Variants in HNF4A observed in about 807,000 individuals in gnomAD.
HNF4A encodes the protein hepatocyte nuclear factor 4-alpha.
Under a neutral mutation model 52.4 loss-of-function variants are expected in HNF4A, and 15 were observed. The ratio of observed to expected loss-of-function variants is 0.29; its 90% CI spans 0.19 to 0.44. HNF4A has a LOEUF of 0.44. HNF4A is among the 20% of genes least tolerant of loss of function. HNF4A has a pLI of 1.00. For synonymous variants in HNF4A, 280 were observed against 264.4 expected (o/e 1.06, Z -0.57); for missense variants, 479 against 647.2 (o/e 0.74, Z 2.82).
At chr20:44,396,415 G>T, upstream of HNF4A, among the ~76,000 whole-genome samples, 1 of 152,044 alleles carries the variant, frequency 6.6e-6, no homozygotes, top group East Asian at 1.9e-4. Context: ...AGAGGCACAA[G>T]CTCCCTACAC....
chr20:44,413,807 G>A lies in HNF4A; in HGVS notation c.492+7G>A. 6.3e-7 allele frequency: 1 copy of A among 1,591,784 alleles called. No homozygotes were observed. Among genetic ancestry groups the A allele is most frequent in the East Asian group, 2.2e-5 (1 of 44,688 alleles). On this transcript the variant is annotated splice_region_variant and intron_variant, in intron 4 of 9. Coordinates refer to ENST00000316099, the MANE Select transcript of HNF4A (RefSeq NM_000457.6). ...GGAGGTCCTGTCCCGACAGGTACCG[G>A]GGTGATCCTGCCACCCACCCAGGGA...
intron 3 of HNF4A, among the ~76,000 whole-genome samples, chr20:44,411,364 A>G (rs1342030499): frequency 6.6e-6 from 1 of 152,190 alleles, no homozygotes; most frequent in African/African-American, 2.4e-5. Flanking sequence ...ACATTTGGAA[A>G]ACATCATTCC....
chr20:44,414,552 A>G lies in HNF4A; in HGVS notation c.538A>G (p.Lys180Glu). 1 of 1,614,206 alleles carries G rather than the reference A, an allele frequency of 6.2e-7. No individual in the cohort carries two copies. The highest frequency in any genetic ancestry group is 8.5e-7 in the Non-Finnish European group (1 of 1,180,042). The stretch of plus-strand genomic sequence containing the variant: ...GATCAACGGCGACATTCGGGCGAAG[A>G]AGATTGCCAGCATCGCAGATGTGTG... Residue 180 changes from lysine (K) to glutamate (E), a missense_variant, in exon 5 of 10, where the codon AAG (lysine) becomes GAG (glutamate). This residue lies in a region of HNF4A where 389 missense variants were observed against 525.1 expected (regional missense o/e 0.74). Transcript: ENST00000316099.
chr20:44,398,120 G>T (rs1042563457), upstream of HNF4A, among the ~76,000 whole-genome samples: 3 of 152,340 alleles, frequency 2.0e-5, no homozygotes, highest in Non-Finnish European at 2.9e-5. Context: ...AGACCAAAGT[G>T]TGCTTATTTC....
At chr20:44,357,958 C>A (rs2062875985) in intron 1 of HNF4A, among the ~76,000 whole-genome samples, 1 of 151,524 alleles carries the variant, frequency 6.6e-6, no homozygotes, top group South Asian at 2.1e-4. Context: ...AAGGAGAACT[C>A]CAGTGACCTT....
chr20:44,404,836 G>GTA (rs1298942850), intron 1 of HNF4A, among the ~76,000 whole-genome samples: 1 of 408 alleles, frequency 2.5e-3, no homozygotes, highest in Non-Finnish European at 5.9e-3. Flanking sequence ...ACTGTGGTGT[G>GTA]TGTGTGCGTG....
In HNF4A at chr20:44,414,523, C is replaced by T. The variant is rs768495780; in HGVS notation, c.509C>T (p.Ser170Phe). 1 of 1,614,130 alleles carries T rather than the reference C, an allele frequency of 6.2e-7. No homozygotes were observed. Among genetic ancestry groups the T allele is most frequent in the Non-Finnish European group, 8.5e-7 (1 of 1,180,050 alleles). Residue 170 changes from serine to phenylalanine, a missense_variant, in exon 5 of 10, where the codon TCC becomes TTC. Ser to Phe is a radical substitution (Grantham distance 155). Around this residue, in one of 3 missense-constraint regions of HNF4A, gnomAD observed 389 missense variants for 525.1 expected, o/e 0.74. Coordinates refer to ENST00000316099, the MANE Select transcript of HNF4A (RefSeq NM_000457.6). ...CTCTCGAAGATCACCTCCCCCGTCT[C>T]CGGGATCAACGGCGACATTCGGGCG...
Position 44,355,792 on chromosome 20 carries a change from G to A in HNF4A, c.-13G>A, listed in dbSNP as rs1443632177. On this transcript the variant is annotated 5_prime_UTR_variant, in exon 1 of 10. Transcript: ENST00000316673. ...CTCCATGCCCCCAGCTCTCCGGCTG[G>A]GTGGGCTTGGCCATGGTCAGCGTGA... is the stretch of plus-strand genomic sequence containing the variant. The A allele has an allele frequency of 6.2e-6, 10 of 1,613,352 alleles. 1 individual carries two copies. The highest frequency in any genetic ancestry group is 2.2e-5 in the East Asian group (1 of 44,872).
intron 3 of HNF4A, among the ~76,000 whole-genome samples, chr20:44,409,824 G>C (rs889404539): frequency 4.0e-4 from 56 of 139,702 alleles, no homozygotes; most frequent in Non-Finnish European, 8.3e-4. Context: ...GGGTGTGTTT[G>C]TTCCCTGGTC....
At chr20:44,379,829 G>A (rs900169751) in intron 1 of HNF4A, among the ~76,000 whole-genome samples, 1 of 150,100 alleles carries the variant, frequency 6.7e-6, no homozygotes, top group African/African-American at 2.5e-5. Context: ...TGCCTCCCAG[G>A]TTCAAGCGAT....
intron 1 of HNF4A, among the ~76,000 whole-genome samples, chr20:44,362,293 G>A (rs369542340): frequency 7.2e-5 from 11 of 151,974 alleles, no homozygotes; most frequent in South Asian, 2.1e-4. Flanking sequence ...GGTGCCAGGC[G>A]CCTGTAATCC....
At chr20:44,374,943 T>G (rs896942538) in intron 1 of HNF4A, among the ~76,000 whole-genome samples, 4 of 152,218 alleles carry the variant, frequency 2.6e-5, no homozygotes, top group Non-Finnish European at 5.9e-5. Context: ...CTGAACTAAT[T>G]TATATTCCCA....
chr20:44,428,199 C>T (rs2063834341), intron 8 of HNF4A, 136 bp from the exon 9 acceptor site: 2 of 875,386 alleles, frequency 2.3e-6, no homozygotes, highest in South Asian at 2.8e-5. Flanking sequence ...GTTTACTAAC[C>T]CAGGAATAGG....
At chr20:44,407,105 G>A (rs537439694) in intron 2 of HNF4A, among the ~76,000 whole-genome samples, 36 of 152,326 alleles carry the variant, frequency 2.4e-4, no homozygotes, top group Admixed American at 4.6e-4. Context: ...CAGAGGTCAA[G>A]GTTCCCAACT....
chr20:44,362,285 T>TGCCA (rs897264007), intron 1 of HNF4A, among the ~76,000 whole-genome samples: 2 of 151,826 alleles, frequency 1.3e-5, no homozygotes, highest in Non-Finnish European at 2.9e-5. Flanking sequence ...CTGGACGTGG[T>TGCCA]GCCAGGCGCC....
upstream of HNF4A, among the ~76,000 whole-genome samples, chr20:44,398,607 C>T (rs1311482940): frequency 6.6e-6 from 1 of 152,114 alleles, no homozygotes; most frequent in African/African-American, 2.4e-5. Context: ...GATAGATTTA[C>T]TTATGGGGTA....
intron 1 of HNF4A, among the ~76,000 whole-genome samples, chr20:44,392,835 A>G (rs2063316922): frequency 6.6e-6 from 1 of 152,206 alleles, no homozygotes; most frequent in Non-Finnish European, 1.5e-5. Flanking sequence ...CCCTAGGGCA[A>G]ATAAGAAAAA....
chr20:44,401,327 G>A lies in HNF4A; in HGVS notation c.-46G>A. On this transcript the variant is annotated 5_prime_UTR_variant, in exon 1 of 10. Coordinates refer to ENST00000316099, the MANE Select transcript of HNF4A (RefSeq NM_000457.6). Reference sequence around the variant, plus strand: ...GGCGGAGGGCGGGGGCCTTCGGGGTGGGCGCCCAGGGTAGGGCAGGTGGCC... The same window carrying A: ...GGCGGAGGGCGGGGGCCTTCGGGGTAGGCGCCCAGGGTAGGGCAGGTGGCC... 1 of 1,612,942 alleles carries A rather than the reference G, an allele frequency of 6.2e-7. No homozygotes were observed. Among genetic ancestry groups the A allele is most frequent in the African/African-American group, 1.3e-5 (1 of 75,030 alleles).
chr20:44,393,669 T>G (rs924400352), intron 1 of HNF4A, among the ~76,000 whole-genome samples: 1 of 152,114 alleles, frequency 6.6e-6, no homozygotes, highest in African/African-American at 2.4e-5. Context: ...AAGTAACACA[T>G]GCAAAGCTCC....
Sources: gnomAD v4.1 joint callset for allele counts (sites outside exome capture counted in the v4.1 genomes callset) on GRCh38, gnomAD v4.1.1 for gene constraint, gnomAD v4.1.1 regional missense constraint, MANE v1.5 for transcripts, NCBI Gene and HGNC (gene_info 2026-07-23, HGNC 2026-07-21) for gene names.